MRTFB: variants seen among roughly 807,000 people sequenced by gnomAD.
MRTFB encodes the protein myocardin related transcription factor B.
MRTFB carries 29 observed loss-of-function variants against 104.2 expected under a neutral mutation model. The ratio of observed to expected loss-of-function variants is 0.28; its 90% CI spans 0.21 to 0.38. The LOEUF (loss-of-function observed/expected upper bound fraction) is 0.38. Ranked by LOEUF, MRTFB falls within the 10% of genes least tolerant of loss-of-function variation. The pLI is 1.00. For missense variants in MRTFB, 1,270 were observed against 1,341.6 expected (o/e 0.95, Z 0.83); for synonymous variants, 535 against 519.5 (o/e 1.03, Z -0.41).
chr16:14,150,562 A>C (rs953125000), intron 3 of MRTFB, among the ~76,000 whole-genome samples: 2 of 152,172 alleles, frequency 1.3e-5, no homozygotes, highest in Admixed American at 6.6e-5. Context: ...GAAAAATCAT[A>C]AGGAGCTGGG....
intron 3 of MRTFB, chr16:14,149,459 C>T (rs2038504049): frequency 6.6e-6 from 1 of 152,220 alleles, no homozygotes; most frequent in Non-Finnish European, 1.5e-5. Flanking sequence ...AGAAGACCCT[C>T]TTTGACAGAA....
intron 2 of MRTFB, among the ~76,000 whole-genome samples, chr16:14,117,977 T>C (rs1288069631): frequency 6.6e-6 from 1 of 152,142 alleles, no homozygotes; most frequent in Non-Finnish European, 1.5e-5. Context: ...GAGAATAATA[T>C]AACCTCCACC....
In MRTFB at chr16:14,247,119, C is replaced by T. The variant is rs1487251157; in HGVS notation, c.1859C>T (p.Ala620Val). The T allele has an allele frequency of 1.9e-6, 3 of 1,614,144 alleles. No homozygotes were observed. The South Asian group carries it at 3.3e-5, about 18-fold the overall frequency. ...QQRPLEAQPS[A>V]PGHSVKSDQK... ...CGGCCCCTGGAAGCCCAGCCCAGTG[C>T]CCCAGGTCATTCTGTCAAGTCAGAT... Residue 620 changes from alanine to valine, a missense_variant, in exon 12 of 17, where the codon GCC (alanine) becomes GTC (valine). Ala to Val is a moderately conservative substitution (Grantham distance 64). This residue lies in a region of MRTFB where 1,144 missense variants were observed against 1,131.5 expected (regional missense o/e 1.01). Coordinates refer to ENST00000571589, the MANE Select transcript of MRTFB (RefSeq NM_001308142.2).
rs1487554289 is a variant in MRTFB at position 14,218,849 on chromosome 16, C to G, written c.544C>G (p.Gln182Glu). Residue 182 changes from glutamine to glutamate, a missense_variant, in exon 8 of 17, where the codon CAG (glutamine) becomes GAG (glutamate). This residue lies in a region of MRTFB where 1,144 missense variants were observed against 1,131.5 expected (regional missense o/e 1.01). Transcript: ENST00000571589. The stretch of plus-strand genomic sequence containing the variant: ...TGGGAAGGAGGACTATCCCCACACT[C>G]AGGGCGATTTCTCATTTGATGAAGA... ...GVGKEDYPHT[Q>E]GDFSFDEDSS... 3 of 1,612,200 alleles carry G rather than the reference C, an allele frequency of 1.9e-6. No individual in the cohort carries two copies. Among genetic ancestry groups the G allele is most frequent in the Admixed American group, 3.3e-5 (2 of 59,800 alleles).
At position 14,231,927 on chromosome 16, in the gene MRTFB, G is replaced by C. The variant is rs2042286657; in HGVS notation, c.694-2219G>C. On this transcript the variant is annotated intron_variant, in intron 8 of 16. Transcript: ENST00000571589. ...AGATTAGGTAGAGTCAACAATCACTGTATTTCAGTTGGGTTATTCTTGTGT... is the reference window on the plus strand; with the variant it reads ...AGATTAGGTAGAGTCAACAATCACTCTATTTCAGTTGGGTTATTCTTGTGT... 3.9e-5 allele frequency among the ~76,000 whole-genome samples: 6 copies of C among 152,196 alleles called. No individual in the cohort carries two copies. The South Asian group carries it at 1.2e-3, about 31-fold the overall frequency.
At chr16:14,255,361 C>T (rs2043434192) in intron 15 of MRTFB, among the ~76,000 whole-genome samples, 1 of 152,176 alleles carries the variant, frequency 6.6e-6, no homozygotes. Flanking sequence ...CAGAGAAAAT[C>T]TTAAATGCAT....
At chr16:14,084,474 AGGT>A (rs529635812) in intron 2 of MRTFB, among the ~76,000 whole-genome samples, 30 of 152,338 alleles carry the variant, frequency 2.0e-4, no homozygotes, top group Admixed American at 1.1e-3. Context: ...TAGGACGTGG[AGGT>A]CTCAGTGAGC....
chr16:14,257,395 G>A (rs7194165), intron 15 of MRTFB, among the ~76,000 whole-genome samples: 19,045 of 152,090 alleles, frequency 0.13, 2,482 homozygotes, highest in African/African-American at 0.33. Flanking sequence ...ACAATGCAAT[G>A]CTACTCAGCA....
chr16:14,093,504 A>G (rs994382689), intron 2 of MRTFB, among the ~76,000 whole-genome samples: 3 of 152,148 alleles, frequency 2.0e-5, no homozygotes, highest in African/African-American at 7.2e-5. Flanking sequence ...GCAAGTTGTA[A>G]TTTAGTAGAG....
chr16:14,044,404 A>G, the MRTFB span, among the ~76,000 whole-genome samples: 1 of 152,158 alleles, frequency 6.6e-6, no homozygotes, highest in Non-Finnish European at 1.5e-5. Context: ...CATGGCGCCG[A>G]TCTTCATTTT....
the MRTFB span, among the ~76,000 whole-genome samples, chr16:14,030,003 G>A: frequency 6.6e-6 from 1 of 151,886 alleles, no homozygotes; most frequent in African/African-American, 2.4e-5. Context: ...GCATGGGGAG[G>A]GGGGAGGGGA....
the MRTFB span, among the ~76,000 whole-genome samples, chr16:14,030,782 C>A: frequency 7.9e-5 from 12 of 152,184 alleles, no homozygotes; most frequent in African/African-American, 2.2e-4. Flanking sequence ...CCTAGTGGAA[C>A]CCGGAGCCAC....
intron 2 of MRTFB, among the ~76,000 whole-genome samples, chr16:14,128,578 C>G (rs2037276473): frequency 6.6e-6 from 1 of 152,172 alleles, no homozygotes; most frequent in African/African-American, 2.4e-5. Context: ...GACAGGCAGA[C>G]CTGACCAAGT....
chr16:14,239,059 G>A (rs2042649703), intron 9 of MRTFB, among the ~76,000 whole-genome samples: 1 of 150,830 alleles, frequency 6.6e-6, no homozygotes, highest in Admixed American at 6.6e-5. Context: ...GTTCTCATGA[G>A]TAAGAGCTGG....
At chr16:14,079,159 C>A (rs2034249140) in intron 1 of MRTFB, 131 bp from the exon 2 acceptor site, 1 of 300,324 alleles carries the variant, frequency 3.3e-6, no homozygotes, top group African/African-American at 2.1e-5. Flanking sequence ...CCTTCCTGAC[C>A]ATTCCATTTT....
chr16:14,217,067 A>G (rs902609092), intron 6 of MRTFB, 59 bp from the exon 7 acceptor site: 8 of 1,498,378 alleles, frequency 5.3e-6, no homozygotes, highest in Non-Finnish European at 7.2e-6. Flanking sequence ...GCCTGAAATA[A>G]CATTATGGAA....
chr16:14,003,853 T>G, the MRTFB span, among the ~76,000 whole-genome samples: 1 of 152,168 alleles, frequency 6.6e-6, no homozygotes, highest in Non-Finnish European at 1.5e-5. Flanking sequence ...GTTCCCTAAG[T>G]ACCTGCCTAA....
intron 2 of MRTFB, among the ~76,000 whole-genome samples, chr16:14,084,476 G>A (rs1012568687): frequency 1.3e-5 from 2 of 152,080 alleles, no homozygotes; most frequent in Non-Finnish European, 2.9e-5. Flanking sequence ...GGACGTGGAG[G>A]TCTCAGTGAG....
intron 2 of MRTFB, among the ~76,000 whole-genome samples, chr16:14,093,495 C>G (rs897445865): frequency 6.6e-6 from 1 of 151,990 alleles, no homozygotes; most frequent in Non-Finnish European, 1.5e-5. Context: ...AGTATCTTAG[C>G]AAGTTGTAAT....
Sources: allele counts gnomAD v4.1 joint callset (sites outside exome capture counted in the v4.1 genomes callset), GRCh38; gene constraint gnomAD v4.1.1; regional missense constraint gnomAD v4.1.1; transcripts MANE v1.5; gene names NCBI Gene and HGNC (gene_info 2026-07-23, HGNC 2026-07-21).